Variants in WDR64 observed in about 807,000 individuals in gnomAD.
WDR64 encodes the protein WD repeat domain 64.
A neutral mutation model predicts 139.3 loss-of-function variants in WDR64; 112 were observed. That is an observed-to-expected ratio of 0.80 (90% CI 0.69 to 0.94). The LOEUF (loss-of-function observed/expected upper bound fraction) is 0.94. Among genes scored for constraint, WDR64 ranks in the 40% least tolerant of loss-of-function variants. The pLI is 0.00. For missense variants in WDR64, 1,206 were observed against 1,293.1 expected, an observed-to-expected ratio of 0.93 and a Z score of 1.03; for synonymous variants, 444 against 437.7, an observed-to-expected ratio of 1.01 and a Z score of -0.18.
chr1:241,737,519 C>T (rs1669375700), intron 10 of WDR64, among the ~76,000 whole-genome samples: 2 of 152,156 alleles, frequency 1.3e-5, no homozygotes, highest in Non-Finnish European at 2.9e-5. Flanking sequence ...TTTACTATAA[C>T]ATGAAAATAT....
At chr1:241,673,910 A>G (rs1666351004) in intron 3 of WDR64, among the ~76,000 whole-genome samples, 1 of 152,126 alleles carries the variant, frequency 6.6e-6, no homozygotes, top group Non-Finnish European at 1.5e-5. Context: ...AGATGGTATT[A>G]AGTTTTTATC....
At chr1:241,653,811 C>T (rs1665466674) in intron 1 of WDR64, among the ~76,000 whole-genome samples, 1 of 152,148 alleles carries the variant, frequency 6.6e-6, no homozygotes, top group African/African-American at 2.4e-5. Context: ...TCCCAAAGTG[C>T]TGGGATTACA....
intron 16 of WDR64, among the ~76,000 whole-genome samples, chr1:241,767,337 TG>T (rs1371312972): frequency 6.9e-6 from 1 of 144,110 alleles, no homozygotes; most frequent in Non-Finnish European, 1.5e-5. Flanking sequence ...CACTTCTCAA[TG>T]TTTTTTTTTT....
rs929654595 is a variant in WDR64 at position 241,763,427 on chromosome 1, C to T, written c.1948-2791C>T. On this transcript the variant is annotated intron_variant, in intron 15 of 27. Coordinates refer to ENST00000437684, the MANE Select transcript of WDR64 (RefSeq NM_001367482.1). The stretch of plus-strand genomic sequence containing the variant: ...TTATAGATTGAAAGTTTGCAAAAGT[C>T]GGCCAGGCACAGTGGCTCACACCTG... Among the ~76,000 whole-genome samples the T allele has an allele frequency of 6.6e-5, 10 of 152,262 alleles. No homozygotes were observed. The East Asian group carries it at 7.7e-4, about 12-fold the overall frequency.
At position 241,772,849 on chromosome 1, in the gene WDR64, G is replaced by GA; in HGVS notation, c.2350dup (p.Ile784AsnfsTer17). On this transcript the variant is annotated frameshift_variant, in exon 20 of 28. Coordinates refer to ENST00000437684, the MANE Select transcript of WDR64 (RefSeq NM_001367482.1). LOFTEE classifies it high-confidence loss of function. ...CAGCCAATGGACAAAAAACACCCTGGAATTGCCAATTTACCAGAAGCCCAG... is the reference window on the plus strand; with the variant it reads ...CAGCCAATGGACAAAAAACACCCTGGAAATTGCCAATTTACCAGAAGCCCAG... The GA allele has an allele frequency of 6.4e-7, 1 of 1,551,976 alleles. No individual in the cohort carries two copies. The highest frequency in any genetic ancestry group is 8.7e-7 in the Non-Finnish European group (1 of 1,147,070).
intron 7 of WDR64, among the ~76,000 whole-genome samples, chr1:241,686,390 A>G (rs1667004973): frequency 6.6e-6 from 1 of 152,224 alleles, no homozygotes; most frequent in East Asian, 1.9e-4. Flanking sequence ...TGGCATGAGA[A>G]TAGAAAGCTC....
chr1:241,702,681 A>G (rs570263025), intron 8 of WDR64, among the ~76,000 whole-genome samples: 1 of 152,346 alleles, frequency 6.6e-6, no homozygotes, highest in Admixed American at 6.5e-5. Context: ...TTTTTATAAC[A>G]TCTGCAAACT....
intron 12 of WDR64, among the ~76,000 whole-genome samples, chr1:241,743,511 C>A (rs1033759256): frequency 5.9e-5 from 9 of 152,160 alleles, no homozygotes; most frequent in African/African-American, 2.2e-4. Flanking sequence ...CCCCCTCTTA[C>A]CCAGCTAAAG....
chr1:241,735,225 T>C (rs1471287789), intron 10 of WDR64, among the ~76,000 whole-genome samples: 1 of 152,224 alleles, frequency 6.6e-6, no homozygotes, highest in Non-Finnish European at 1.5e-5. Flanking sequence ...TGTTGTTACA[T>C]ATAGCTCTAG....
At chr1:241,799,634 T>A (rs1048942810) in intron 27 of WDR64, among the ~76,000 whole-genome samples, 1 of 152,078 alleles carries the variant, frequency 6.6e-6, no homozygotes, top group Non-Finnish European at 1.5e-5. Context: ...GATAAGTAAT[T>A]CCTCTGAGAT....
intron 10 of WDR64, among the ~76,000 whole-genome samples, chr1:241,730,997 T>C (rs972905651): frequency 6.6e-5 from 10 of 152,156 alleles, no homozygotes; most frequent in African/African-American, 2.4e-4. Context: ...ACTCAAAATA[T>C]TCACAACCTT....
chr1:241,783,355 T>G lies in WDR64; in HGVS notation c.2679T>G (p.Leu893=), dbSNP rs1283060126. Residue 893 remains leucine, a synonymous_variant, in exon 23 of 28, where the codon CTT becomes CTG. Transcript: ENST00000437684. The stretch of plus-strand genomic sequence containing the variant: ...ATGTAGAAGAAAAACAAGTGGTACT[T>G]ACTGCCTCCATCGATGGCTCAGTAA... ...VIYVEEKQVV[L]TASIDGSVRL... 1.2e-6 allele frequency: 2 copies of G among 1,614,044 alleles called. No homozygotes were observed. The highest frequency in any genetic ancestry group is 1.3e-5 in the African/African-American group (1 of 75,062).
At chr1:241,662,611 G>T (rs1381817505) in intron 2 of WDR64, among the ~76,000 whole-genome samples, 1 of 152,100 alleles carries the variant, frequency 6.6e-6, no homozygotes, top group Non-Finnish European at 1.5e-5. Context: ...CATCATATTT[G>T]TCATATTCTC....
intron 23 of WDR64, among the ~76,000 whole-genome samples, chr1:241,787,388 G>C (rs1327187346): frequency 3.3e-5 from 5 of 149,624 alleles, no homozygotes; most frequent in Non-Finnish European, 5.9e-5. Flanking sequence ...ATGTTGGCCG[G>C]ACATGGTGGC....
chr1:241,699,852 T>C (rs777263337), intron 8 of WDR64, among the ~76,000 whole-genome samples: 11 of 152,074 alleles, frequency 7.2e-5, no homozygotes, highest in Non-Finnish European at 1.3e-4. Flanking sequence ...AAGACCTGCA[T>C]ACCATGCTAA....
At chr1:241,740,267 C>T (rs575014402) in intron 11 of WDR64, among the ~76,000 whole-genome samples, 6 of 152,238 alleles carry the variant, frequency 3.9e-5, no homozygotes, top group African/African-American at 1.2e-4. Context: ...TTTCCATAAG[C>T]ATATCAAGAT....
intron 21 of WDR64, among the ~76,000 whole-genome samples, chr1:241,775,487 T>A (rs1658627332): frequency 6.6e-6 from 1 of 152,230 alleles, no homozygotes; most frequent in Admixed American, 6.5e-5. Flanking sequence ...GTATCTTACT[T>A]TTTTGGAAAA....
chr1:241,654,776 G>T (rs546446342), intron 1 of WDR64, among the ~76,000 whole-genome samples: 1 of 152,090 alleles, frequency 6.6e-6, no homozygotes, highest in Non-Finnish European at 1.5e-5. Context: ...ATTAATATTT[G>T]CTTTCTGATG....
At chr1:241,721,321 A>G (rs1220507927) in intron 9 of WDR64, among the ~76,000 whole-genome samples, 1 of 152,132 alleles carries the variant, frequency 6.6e-6, no homozygotes, top group African/African-American at 2.4e-5. Context: ...GTTTCTTCTA[A>G]TTCTGTGAAG....
Sources: gnomAD v4.1 joint callset for allele counts (sites outside exome capture counted in the v4.1 genomes callset) on GRCh38, gnomAD v4.1.1 for gene constraint, MANE v1.5 for transcripts, NCBI Gene and HGNC (gene_info 2026-07-23, HGNC 2026-07-21) for gene names.